Variants in NRIP3 observed in about 807,000 individuals in gnomAD.
The protein encoded by NRIP3 is nuclear receptor interacting protein 3, also known as nuclear receptor-interacting protein 3.
NRIP3 carries 31 observed loss-of-function variants against 29.0 expected under a neutral mutation model. The ratio of observed to expected loss-of-function variants is 1.07; its 90% CI spans 0.80 to 1.44. NRIP3 has a LOEUF of 1.44. NRIP3 is among the 40% of genes most tolerant of loss of function. The probability of loss-of-function intolerance (pLI) is 0.00; values close to 1 mark genes in which losing one functional copy is unlikely to be tolerated. For synonymous variants in NRIP3, 131 were observed against 118.3 expected, an observed-to-expected ratio of 1.11 and a Z score of -0.70; for missense variants, 314 against 297.9, an observed-to-expected ratio of 1.05 and a Z score of -0.40.
At chr11:8,983,673 G>A in intron 6 of NRIP3, 113 bp from the exon 7 acceptor site, 1 of 1,010,696 alleles carries the variant, frequency 9.9e-7, no homozygotes, top group Middle Eastern at 2.1e-4. Flanking sequence ...ACTCTGTGTG[G>A]CATCACCATT....
chr11:8,997,700 A>G (rs867785085), intron 1 of NRIP3, among the ~76,000 whole-genome samples: 1 of 152,316 alleles, frequency 6.6e-6, no homozygotes, highest in Middle Eastern at 3.4e-3. Flanking sequence ...TGGCACCCAC[A>G]CTGCTTAAAC....
intron 1 of NRIP3, among the ~76,000 whole-genome samples, chr11:9,000,145 A>G (rs1275332067): frequency 6.6e-6 from 1 of 151,900 alleles, no homozygotes; most frequent in Non-Finnish European, 1.5e-5. Flanking sequence ...CAACCTATAA[A>G]CCTGTTTATA....
chr11:9,003,300 C>A (rs1854841543), intron 1 of NRIP3, among the ~76,000 whole-genome samples: 1 of 152,124 alleles, frequency 6.6e-6, no homozygotes, highest in Non-Finnish European at 1.5e-5. Context: ...ACAATGGATT[C>A]AACAGAAGTC....
intron 4 of NRIP3, 136 bp downstream of exon 4, chr11:8,985,575 A>G: frequency 9.6e-7 from 1 of 1,045,176 alleles, no homozygotes; most frequent in Non-Finnish European, 1.4e-6. Context: ...AATTGGGACA[A>G]GGTCTACAGT....
At chr11:8,987,672 C>G (rs377759938) in intron 2 of NRIP3, 42 bp from the exon 3 acceptor site, 1 of 1,491,164 alleles carries the variant, frequency 6.7e-7, no homozygotes, top group African/African-American at 1.4e-5. Context: ...GCCAGAGAAG[C>G]GAAAGGGAAA....
At chr11:8,984,849 CT>C (rs1046754129) in intron 4 of NRIP3, among the ~76,000 whole-genome samples, 76 of 148,914 alleles carry the variant, frequency 5.1e-4, no homozygotes, top group South Asian at 4.1e-3. Flanking sequence ...TTTCTTGCTC[CT>C]TTTTTTTTTC....
chr11:9,003,535 G>C (rs1297465709), intron 1 of NRIP3, among the ~76,000 whole-genome samples: 1 of 152,234 alleles, frequency 6.6e-6, no homozygotes, highest in Non-Finnish European at 1.5e-5. Flanking sequence ...AGACATCCAG[G>C]GAGGAGGCAC....
In NRIP3 at chr11:8,983,349, C is replaced by T. The variant is rs1854452838; in HGVS notation, c.*196G>A. 1 of 596,690 alleles carries T rather than the reference C, an allele frequency of 1.7e-6. No homozygotes were observed. Among genetic ancestry groups the T allele is most frequent in the Non-Finnish European group, 3.0e-6 (1 of 332,746 alleles). The allele number at this position is 596,690 out of a possible 1,614,324, so 37.0% of individuals were successfully genotyped here. A position where few individuals can be genotyped will look rare whatever the true frequency, so the allele number is the denominator to read the frequency against. ...TGATCAAAGTAGTAAAAAACAATGG[C>T]CATAACCAGACAAGATCTCTAAGCA... On this transcript the variant is annotated 3_prime_UTR_variant, in exon 7 of 7. Coordinates refer to ENST00000309166, the MANE Select transcript of NRIP3 (RefSeq NM_020645.3).
chr11:8,995,684 T>A (rs930539926), intron 1 of NRIP3, among the ~76,000 whole-genome samples: 8 of 152,232 alleles, frequency 5.3e-5, no homozygotes, highest in Non-Finnish European at 8.8e-5. Flanking sequence ...AGAGTAAGCT[T>A]TTTAAAACAT....
intron 1 of NRIP3, among the ~76,000 whole-genome samples, chr11:8,994,740 T>G (rs905643906): frequency 2.0e-5 from 3 of 152,200 alleles, no homozygotes; most frequent in Non-Finnish European, 4.4e-5. Flanking sequence ...AACCACCTGT[T>G]TATTCTGTTC....
rs1225114518 is a variant in NRIP3 at position 8,985,754 on chromosome 11, G to A, written c.519C>T (p.Ile173=). The A allele has an allele frequency of 1.9e-6, 3 of 1,614,152 alleles. No individual in the cohort carries two copies. The highest frequency in any genetic ancestry group is 1.1e-5 in the South Asian group (1 of 91,076). Residue 173 remains isoleucine (I), a synonymous_variant, in exon 4 of 7, where the codon ATC becomes ATT. Coordinates refer to ENST00000309166, the MANE Select transcript of NRIP3 (RefSeq NM_020645.3). ...KVVGQIEHLV[I]TLGSLRLDCP... ...AGTCCAGGCGGAGGGAGCCCAGTGT[G>A]ATCACTAGGTGCTCAATCTGGCCCA...
intron 1 of NRIP3, among the ~76,000 whole-genome samples, chr11:8,996,036 C>T (rs1209983394): frequency 6.6e-6 from 1 of 152,230 alleles, no homozygotes; most frequent in Admixed American, 6.5e-5. Flanking sequence ...GACCATACAA[C>T]TTAAAGTAGG....
Position 8,983,541 on chromosome 11 carries a change from G to C in NRIP3, c.*4C>G. ...CACACGTGCAGACATGCTGCAGGCT[G>C]TAGTTATGCTTCTGAAGTGCTGAAA... On this transcript the variant is annotated 3_prime_UTR_variant, in exon 7 of 7. Transcript: ENST00000309166. 1.2e-6 allele frequency: 2 copies of C among 1,613,688 alleles called. No individual in the cohort carries two copies. The highest frequency in any genetic ancestry group is 1.1e-5 in the South Asian group (1 of 91,050).
At chr11:8,998,264 C>G (rs1036824517) in intron 1 of NRIP3, among the ~76,000 whole-genome samples, 1 of 152,208 alleles carries the variant, frequency 6.6e-6, no homozygotes, top group South Asian at 2.1e-4. Flanking sequence ...TGCAGTTGCT[C>G]AAAAACATAA....
intron 1 of NRIP3, among the ~76,000 whole-genome samples, chr11:8,990,191 C>T (rs1854576385): frequency 6.6e-6 from 1 of 152,184 alleles, no homozygotes; most frequent in South Asian, 2.1e-4. Context: ...GATCCTGCTG[C>T]CTTTACTCTA....
rs778500624 is a variant in NRIP3 at position 8,988,150 on chromosome 11, C to T, written c.307G>A (p.Glu103Lys). ...GAAACCAAAATCATGTCATCCTCCT[C>T]AGACTTCTTTAGCCCCTCAGACTTA... The part of the protein sequence containing the change: ...QAKSEGLKKS[E>K]EDDMILVSCQ... Residue 103 changes from glutamate to lysine, a missense_variant, in exon 2 of 7, where the codon GAG becomes AAG. By Grantham distance (56) the Glu-to-Lys change is moderately conservative. Coordinates refer to ENST00000309166, the MANE Select transcript of NRIP3 (RefSeq NM_020645.3). 9 of 1,614,066 alleles carry T rather than the reference C, an allele frequency of 5.6e-6. No individual in the cohort carries two copies. The Admixed American group carries it at 1.3e-4, about 24-fold the overall frequency.
intron 1 of NRIP3, among the ~76,000 whole-genome samples, chr11:8,999,566 T>TA (rs368500549): frequency 5.3e-5 from 8 of 151,896 alleles, no homozygotes; most frequent in Admixed American, 1.3e-4. Flanking sequence ...GAGTGGAAAA[T>TA]AAAAAAAATA....
At chr11:9,004,116 C>T, upstream of NRIP3, 2 of 411,338 alleles carry the variant, frequency 4.9e-6, no homozygotes, top group Non-Finnish European at 8.2e-6. Context: ...GCGGCTCCCT[C>T]GCGTCCCGCG....
At position 8,983,385 on chromosome 11, in the gene NRIP3, T is replaced by C; in HGVS notation, c.*160A>G. The C allele has an allele frequency of 1.6e-6, 1 of 640,416 alleles. No individual in the cohort carries two copies. 39.7% of individuals were successfully genotyped at this position (640,416 alleles called of 1,614,324 possible). A position where few individuals can be genotyped will look rare whatever the true frequency, so the allele number is the denominator to read the frequency against. ...CAAGATCTCTAAGCATAGACTATAG[T>C]CTAGAGAGGTCTGAATGGGAAGGAG... is the stretch of plus-strand genomic sequence containing the variant. On this transcript the variant is annotated 3_prime_UTR_variant, in exon 7 of 7. Transcript: ENST00000309166.
Sources: allele counts gnomAD v4.1 joint callset (sites outside exome capture counted in the v4.1 genomes callset), GRCh38; gene constraint gnomAD v4.1.1; transcripts MANE v1.5; gene names NCBI Gene and HGNC (gene_info 2026-07-23, HGNC 2026-07-21).